The following FLT4 variants were observed in gnomAD, a reference collection of about 807,000 sequenced individuals.
FLT4 encodes fms related receptor tyrosine kinase 4.
A neutral mutation model predicts 163.2 loss-of-function variants in FLT4; 30 were observed. That is an observed-to-expected ratio of 0.18 (90% CI 0.14 to 0.25). The LOEUF (loss-of-function observed/expected upper bound fraction) is 0.25. Ranked by LOEUF, FLT4 falls within the 10% of genes least tolerant of loss-of-function variation. The probability of loss-of-function intolerance (pLI) is 1.00; values close to 1 mark genes in which losing one functional copy is unlikely to be tolerated. For missense variants in FLT4, 1,510 were observed against 1,863.8 expected, an observed-to-expected ratio of 0.81 and a Z score of 3.50; for synonymous variants, 884 against 789.5, an observed-to-expected ratio of 1.12 and a Z score of -2.01.
At position 180,603,262 on chromosome 5, in the gene FLT4, G is replaced by A. The variant is rs772644486; in HGVS notation, c.4022C>T (p.Ser1341Leu). The A allele has an allele frequency of 1.6e-5, 26 of 1,614,030 alleles. 1 individual carries two copies. In the East Asian group the frequency reaches 3.1e-4, roughly 19 times the overall value. The change falls in exon 30 of 30, where the codon TCG becomes TTG. Residue 1341 changes from serine (S) to leucine (L), a missense_variant. By Grantham distance (145) the Ser-to-Leu change is moderately radical. Coordinates refer to ENST00000261937, the MANE Select transcript of FLT4 (RefSeq NM_182925.5). ...GCAGTGGTCCTCCTCGCTTGGCTCC[G>A]ACAGCTCCCCATACTCGCTGTTGTA... ...VFYNSEYGEL[S>L]EPSEEDHCSP...
intron 29 of FLT4, among the ~76,000 whole-genome samples, chr5:180,603,739 C>G (rs1761635331): frequency 6.6e-6 from 1 of 152,120 alleles, no homozygotes; most frequent in Non-Finnish European, 1.5e-5. Context: ...CCCGTCTCTA[C>G]TAAAAATACA....
intron 7 of FLT4, 33 bp from the exon 8 acceptor site, chr5:180,629,032 G>A: frequency 2.5e-6 from 4 of 1,579,536 alleles, no homozygotes; most frequent in Non-Finnish European, 3.5e-6. Context: ...GTAAATCCAG[G>A]ACTGACCCGT....
At chr5:180,613,142 C>T (rs2127795881) in intron 24 of FLT4, 32 bp from the exon 25 acceptor site, 1 of 1,532,618 alleles carries the variant, frequency 6.5e-7, no homozygotes. Flanking sequence ...GGGTGGGGAG[C>T]AAGCCTCCTG....
rs56226618 is a variant in FLT4 at position 180,629,522 on chromosome 5, C to T, written c.817-95G>A. The T allele has an allele frequency of 4.8e-4, 741 of 1,529,798 alleles. 3 individuals are homozygous for T. The African/African-American group carries it at 8.5e-3, about 18-fold the overall frequency. The allele number at this position is 1,529,798 out of a possible 1,614,324, so 94.8% of individuals were successfully genotyped here. ...CTCCCAGCCCAGCCAGCGGTGGCTC[C>T]GGAAGCCCTGGACCCAGGCCCTGAG... On this transcript the variant is annotated intron_variant, in intron 6 of 29. Transcript: ENST00000261937.
At chr5:180,633,856 C>G (rs958507706) in intron 1 of FLT4, among the ~76,000 whole-genome samples, 2 of 152,148 alleles carry the variant, frequency 1.3e-5, no homozygotes, top group Non-Finnish European at 2.9e-5. Context: ...AGGCTCGAGG[C>G]CAGTGTCCAC....
chr5:180,644,604 T>A (rs1236867451), intron 1 of FLT4, among the ~76,000 whole-genome samples: 4 of 152,218 alleles, frequency 2.6e-5, no homozygotes, highest in Non-Finnish European at 5.9e-5. Flanking sequence ...TTCACCCTTG[T>A]GGCCTGAATT....
At chr5:180,619,481 C>A in intron 18 of FLT4, 115 bp from the exon 19 acceptor site, 1 of 938,896 alleles carries the variant, frequency 1.1e-6, no homozygotes, top group Non-Finnish European at 1.7e-6. Flanking sequence ...ATCCTGCCGG[C>A]CCCACTGAGG....
In FLT4 at chr5:180,613,043, C is replaced by T. The variant is rs774612328; in HGVS notation, c.3399G>A (p.Arg1133=). ...EFCQRLRDGT[R]MRAPELATPA... is the part of the protein sequence containing the mutation. ...GAGTGGCCAGCTCCGGGGCCCTCAT[C>T]CTTGTGCCGTCTCTCAGCCGCTGGC... Residue 1133 remains arginine, a synonymous_variant, in exon 25 of 30, where the codon AGG becomes AGA. Coordinates refer to ENST00000261937, the MANE Select transcript of FLT4 (RefSeq NM_182925.5). The T allele has an allele frequency of 2.5e-6, 4 of 1,613,666 alleles. No individual in the cohort carries two copies. Among genetic ancestry groups the T allele is most frequent in the Non-Finnish European group, 2.5e-6 (3 of 1,179,748 alleles).
At chr5:180,603,772 C>T (rs887399798) in intron 29 of FLT4, among the ~76,000 whole-genome samples, 61 of 152,092 alleles carry the variant, frequency 4.0e-4, no homozygotes, top group African/African-American at 1.4e-3. Context: ...GGCGTGGTGG[C>T]GGGCGCCTGT....
rs765274674 is a variant in FLT4 at position 180,621,202 on chromosome 5, C to A, written c.2071G>T (p.Val691Leu). 2 of 1,612,718 alleles carry A rather than the reference C, an allele frequency of 1.2e-6. No individual in the cohort carries two copies. Among genetic ancestry groups the A allele is most frequent in the Non-Finnish European group, 1.7e-6 (2 of 1,179,982 alleles). Residue 691 changes from valine (V) to leucine (L), a missense_variant, in exon 14 of 30, where the codon GTG becomes TTG. Coordinates refer to ENST00000261937, the MANE Select transcript of FLT4 (RefSeq NM_182925.5). ...CACTGCATCTCCAGCGAGTCGCTCA[C>A]GTTCACCAGGAGGTCGGTCAAGTTC... Reference protein sequence around the residue: ...TQNLTDLLVNVSDSLEMQCLV... With the variant: ...TQNLTDLLVNLSDSLEMQCLV...
rs943231112 is a variant in FLT4 at position 180,630,829 on chromosome 5, C to T, written c.156-30G>A. The T allele has an allele frequency of 1.9e-6, 3 of 1,582,260 alleles. No homozygotes were observed. In the African/African-American group the frequency reaches 4.0e-5, roughly 21 times the overall value. ...CAGAGGACAGGAGTGGTCAGGTGGG[C>T]CCCAGGGCAGCCCATGGGGACTGTC... On this transcript the variant is annotated intron_variant, in intron 2 of 29. Coordinates refer to ENST00000261937, the MANE Select transcript of FLT4 (RefSeq NM_182925.5). This position sits in a 1 kb window ranked among gnomAD's most constrained non-coding sequence, Gnocchi z 6.3.
Position 180,616,398 on chromosome 5 carries a change from T to A in FLT4, c.3188A>T (p.Tyr1063Phe), listed in dbSNP as rs1212477595. Reference protein sequence around the residue: ...ICDFGLARDIYKDPDYVRKGS... With the variant: ...ICDFGLARDIFKDPDYVRKGS... ...CTTGCGGACGTAGTCGGGGTCTTTG[T>A]AGATGTCCCGGGCAAGGCCAAAGTC... The change falls in exon 23 of 30, where the codon TAC (tyrosine) becomes TTC (phenylalanine). Residue 1063 changes from tyrosine to phenylalanine, a missense_variant. By Grantham distance (22) the Tyr-to-Phe change is conservative. This residue lies in a region of FLT4 where 878 missense variants were observed against 1,016.7 expected (regional missense o/e 0.86). Transcript: ENST00000261937. 6.2e-7 allele frequency: 1 copy of A among 1,614,012 alleles called. No homozygotes were observed. Among genetic ancestry groups the A allele is most frequent in the Non-Finnish European group, 8.5e-7 (1 of 1,179,998 alleles).
chr5:180,626,172 G>A lies in FLT4; in HGVS notation c.1197C>T (p.Leu399=), dbSNP rs769539257. 9.9e-6 allele frequency: 16 copies of A among 1,612,754 alleles called. No homozygotes were observed. The highest frequency in any genetic ancestry group is 4.0e-5 in the African/African-American group (3 of 74,926). Residue 399 remains leucine (L), a synonymous_variant, in exon 9 of 30, where the codon CTC becomes CTT. Coordinates refer to ENST00000261937, the MANE Select transcript of FLT4 (RefSeq NM_182925.5). ...VTEASTGTYT[L]ALWNSAAGLR... is the part of the protein sequence containing the mutation. The stretch of plus-strand genomic sequence containing the variant: ...GGCCAGCAGCGGAGTTCCACAGGGC[G>A]AGGGTGTAGGTGCCTGTGCTGGCCT...
At chr5:180,629,068 A>G (rs1259952778) in intron 7 of FLT4, 69 bp from the exon 8 acceptor site, 4 of 1,487,076 alleles carry the variant, frequency 2.7e-6, no homozygotes, top group Admixed American at 1.7e-5. Flanking sequence ...GACTCCCCCC[A>G]CGGCCCCTGC....
chr5:180,609,003 CT>C lies in FLT4; in HGVS notation c.3857del (p.Gln1286ArgfsTer2). 2 of 1,614,220 alleles carry C rather than the reference CT, an allele frequency of 1.2e-6. No individual in the cohort carries two copies. The highest frequency in any genetic ancestry group is 1.7e-6 in the Non-Finnish European group (2 of 1,180,030). On this transcript the variant is annotated frameshift_variant, in exon 29 of 30. Coordinates refer to ENST00000261937, the MANE Select transcript of FLT4 (RefSeq NM_182925.5). LOFTEE classifies it low-confidence loss of function (END_TRUNC). The part of the protein sequence containing the change: ...GMVLASEEFE[Q>X]IESRHRQESG... The stretch of plus-strand genomic sequence containing the variant: ...TTTCTTGTCTATGCCTGCTCTCTAT[CT>C]GCTCAAACTCCTCCGAGGCCAGCAC...
In FLT4 at chr5:180,649,589, G is replaced by C. The variant is rs1018515372; in HGVS notation, c.-44C>G. On this transcript the variant is annotated 5_prime_UTR_variant, in exon 1 of 30. Coordinates refer to ENST00000261937, the MANE Select transcript of FLT4 (RefSeq NM_182925.5). ...GGTCCGACCCGAGCGGCCGCGGCTCGGGGCTGAAAGTGTCCGCGCGGGCGC... is the reference window on the plus strand; with the variant it reads ...GGTCCGACCCGAGCGGCCGCGGCTCCGGGCTGAAAGTGTCCGCGCGGGCGC... The C allele has an allele frequency of 1.8e-5, 22 of 1,216,726 alleles. No homozygotes were observed. The African/African-American group carries it at 3.2e-4, about 18-fold the overall frequency. 75.4% of individuals were successfully genotyped at this position (1,216,726 alleles called of 1,614,324 possible). A position where few individuals can be genotyped will look rare whatever the true frequency, so the allele number is the denominator to read the frequency against.
In FLT4 at chr5:180,619,008, G is replaced by T; in HGVS notation, c.2850+13C>A. 6.5e-7 allele frequency: 1 copy of T among 1,547,468 alleles called. No homozygotes were observed. On this transcript the variant is annotated intron_variant, in intron 20 of 29. Transcript: ENST00000261937. ...CCCCGCCGCCCGCGGCGCCCCGCAG[G>T]CCGCCCGCTCACCGCGCAGGGGCTG...
Position 180,612,517 on chromosome 5 carries a change from T to C in FLT4, c.3526A>G (p.Arg1176Gly). ...GGGAAGGGGCTCACTTGCAGGCCCC[T>C]GCCCTGGAGCAGGTCCCCCAGGATC... is the stretch of plus-strand genomic sequence containing the variant. ...VEILGDLLQG[R>G]GLQEEEEVCM... Residue 1176 changes from arginine to glycine, a missense_variant, in exon 26 of 30, where the codon AGG becomes GGG. Coordinates refer to ENST00000261937, the MANE Select transcript of FLT4 (RefSeq NM_182925.5). 1 of 1,613,018 alleles carries C rather than the reference T, an allele frequency of 6.2e-7. No individual in the cohort carries two copies. The highest frequency in any genetic ancestry group is 8.5e-7 in the Non-Finnish European group (1 of 1,179,036).
rs1761565663 is a variant in FLT4 at position 180,602,501 on chromosome 5, T to G, written c.*691A>C. On this transcript the variant is annotated 3_prime_UTR_variant, in exon 30 of 30. Transcript: ENST00000261937. ...CAGCAGCTCTAACAGTCTGTGAAGTTCTGTTGAAAAAGACTTGCAGGATGG... is the reference window on the plus strand; with the variant it reads ...CAGCAGCTCTAACAGTCTGTGAAGTGCTGTTGAAAAAGACTTGCAGGATGG... 1 of 398,746 alleles carries G rather than the reference T, an allele frequency of 2.5e-6. No individual in the cohort carries two copies. Among genetic ancestry groups the G allele is most frequent in the Admixed American group, 4.4e-5 (1 of 22,852 alleles). 24.7% of individuals were successfully genotyped at this position (398,746 alleles called of 1,614,324 possible).
Sources: gnomAD v4.1 joint callset for allele counts (sites outside exome capture counted in the v4.1 genomes callset) on GRCh38, gnomAD v4.1.1 for gene constraint, gnomAD v4.1.1 regional missense constraint, Gnocchi (gnomAD v3.1) non-coding constraint, MANE v1.5 for transcripts, NCBI Gene and HGNC (gene_info 2026-07-23, HGNC 2026-07-21) for gene names.